The following AOPEP variants were observed in gnomAD, a reference collection of about 807,000 sequenced individuals.
AOPEP encodes aminopeptidase O (putative).
AOPEP carries 77 observed loss-of-function variants against 98.1 expected under a neutral mutation model. The observed-to-expected ratio is 0.78, with a 90% confidence interval of 0.65 to 0.95. The LOEUF (loss-of-function observed/expected upper bound fraction) is 0.95. Among genes scored for constraint, AOPEP ranks in the 40% least tolerant of loss-of-function variants. AOPEP has a pLI of 0.00. For missense variants in AOPEP, 1,024 were observed against 1,024.7 expected, an observed-to-expected ratio of 1.00 and a Z score of 0.01; for synonymous variants, 346 against 365.3, an observed-to-expected ratio of 0.95 and a Z score of 0.60.
intron 12 of AOPEP, 144 bp downstream of exon 12, chr9:95,005,364 CGAAGGTCGCGGCCCCTGCGGTGAG>C: frequency 1.3e-6 from 1 of 756,514 alleles, no homozygotes; most frequent in Non-Finnish European, 1.9e-6. Flanking sequence ...GCGGCCGTGA[CGAAGGTCGCGGCCCCTGCGGTGAG>C]GCGCCCGGCG....
intron 13 of AOPEP, among the ~76,000 whole-genome samples, chr9:95,043,887 G>A (rs1402667606): frequency 6.6e-6 from 1 of 152,040 alleles, no homozygotes; most frequent in African/African-American, 2.4e-5. Flanking sequence ...CAAACTCGTG[G>A]GCCCACATGA....
chr9:94,837,320 C>G (rs2041732058), intron 5 of AOPEP, among the ~76,000 whole-genome samples: 1 of 152,162 alleles, frequency 6.6e-6, no homozygotes, highest in Admixed American at 6.5e-5. Context: ...CGAACTCTAT[C>G]AGACTTCAAA....
chr9:94,932,993 C>T, intron 7 of AOPEP: 1 of 985,390 alleles, frequency 1.0e-6, no homozygotes, highest in Non-Finnish European at 1.2e-6. Flanking sequence ...TGCCATTTTT[C>T]ATTTGTTAAT....
At chr9:94,778,548 AT>A (rs1424468306) in intron 3 of AOPEP, among the ~76,000 whole-genome samples, 1 of 152,168 alleles carries the variant, frequency 6.6e-6, no homozygotes, top group Non-Finnish European at 1.5e-5. Flanking sequence ...TTTTATATGA[AT>A]TTTGAGAAGA....
At chr9:94,790,717 G>A (rs940212689) in intron 3 of AOPEP, among the ~76,000 whole-genome samples, 9 of 152,082 alleles carry the variant, frequency 5.9e-5, no homozygotes, top group African/African-American at 2.2e-4. Context: ...GATAGACAAA[G>A]GAACCATGCA....
intron 13 of AOPEP, among the ~76,000 whole-genome samples, chr9:95,016,196 G>C (rs1359858169): frequency 6.6e-6 from 1 of 151,050 alleles, no homozygotes; most frequent in Non-Finnish European, 1.5e-5. Context: ...TCAGAATTGG[G>C]GATGGTAACT....
intron 5 of AOPEP, among the ~76,000 whole-genome samples, chr9:94,831,500 T>C (rs2134458325): frequency 6.6e-6 from 1 of 152,328 alleles, no homozygotes; most frequent in Non-Finnish European, 1.5e-5. Context: ...TGCTCCCAGC[T>C]TTCTTCCTTT....
At chr9:94,977,685 C>T (rs940971827) in intron 10 of AOPEP, among the ~76,000 whole-genome samples, 1 of 152,132 alleles carries the variant, frequency 6.6e-6, no homozygotes, top group Non-Finnish European at 1.5e-5. Flanking sequence ...GCCATTTGCG[C>T]TGAAGCTGAT....
chr9:95,012,943 G>T (rs2062654667), intron 13 of AOPEP, among the ~76,000 whole-genome samples: 1 of 91,380 alleles, frequency 1.1e-5, no homozygotes, highest in Non-Finnish European at 2.2e-5. Context: ...AACGTTAGAG[G>T]TTTTCATCAA....
chr9:94,974,449 G>A (rs1271461417), intron 10 of AOPEP, among the ~76,000 whole-genome samples: 1 of 152,212 alleles, frequency 6.6e-6, no homozygotes, highest in Non-Finnish European at 1.5e-5. Context: ...ATGAGTAATG[G>A]TTATAAGATG....
At chr9:95,107,485 G>C in the AOPEP span, 10 of 618,598 alleles carry the variant, frequency 1.6e-5, no homozygotes, top group Non-Finnish European at 2.9e-5. Context: ...TGCTCACCAA[G>C]CAGTCAGGGC....
intron 13 of AOPEP, among the ~76,000 whole-genome samples, chr9:95,038,798 G>A (rs1313071236): frequency 1.3e-5 from 2 of 152,140 alleles, no homozygotes; most frequent in South Asian, 4.1e-4. Flanking sequence ...TTACTTCTAG[G>A]CGGACAGGTC....
At chr9:94,992,051 C>T (rs2060924333) in intron 11 of AOPEP, among the ~76,000 whole-genome samples, 1 of 152,194 alleles carries the variant, frequency 6.6e-6, no homozygotes, top group Non-Finnish European at 1.5e-5. Context: ...TTCATATCCT[C>T]TTATTTGCTT....
intron 7 of AOPEP, among the ~76,000 whole-genome samples, chr9:94,931,283 GTT>G (rs1304580009): frequency 6.6e-6 from 1 of 152,094 alleles, no homozygotes; most frequent in Non-Finnish European, 1.5e-5. Context: ...GTACTAGACA[GTT>G]TTTTATGGCA....
Position 95,082,558 on chromosome 9 carries a change from G to C in AOPEP, c.2320-17G>C. 6.2e-7 allele frequency: 1 copy of C among 1,613,480 alleles called. No individual in the cohort carries two copies. Among genetic ancestry groups the C allele is most frequent in the East Asian group, 2.2e-5 (1 of 44,870 alleles). On this transcript the variant is annotated splice_polypyrimidine_tract_variant and intron_variant, in intron 15 of 16. Coordinates refer to ENST00000375315, the MANE Select transcript of AOPEP (RefSeq NM_001193329.3). ...CCACACCTTCGCCTGATGCCCTTTG[G>C]CCTCTGTGCCCTGCAGGCCATGGGT... is the stretch of plus-strand genomic sequence containing the variant.
At chr9:95,061,707 G>T (rs1381968776) in intron 14 of AOPEP, among the ~76,000 whole-genome samples, 1 of 152,172 alleles carries the variant, frequency 6.6e-6, no homozygotes, top group Non-Finnish European at 1.5e-5. Context: ...TCATTAAAAT[G>T]GAGTAATTGA....
intron 7 of AOPEP, among the ~76,000 whole-genome samples, chr9:94,947,086 C>T (rs1416359465): frequency 6.6e-6 from 1 of 151,186 alleles, no homozygotes; most frequent in Non-Finnish European, 1.5e-5. Context: ...ACGCCATTCT[C>T]CTGCCTCAGC....
intron 9 of AOPEP, among the ~76,000 whole-genome samples, chr9:94,964,441 AG>A (rs2059056096): frequency 6.6e-6 from 1 of 152,190 alleles, no homozygotes; most frequent in Non-Finnish European, 1.5e-5. Context: ...AAAATGCAAA[AG>A]GGCAGAATTA....
chr9:95,124,244 A>G, the AOPEP span, among the ~76,000 whole-genome samples: 38 of 152,078 alleles, frequency 2.5e-4, no homozygotes, highest in Admixed American at 3.9e-4. Flanking sequence ...AGAGCTTCAC[A>G]GGGGCCGTGA....
Sources: allele counts gnomAD v4.1 joint callset (sites outside exome capture counted in the v4.1 genomes callset), GRCh38; gene constraint gnomAD v4.1.1; transcripts MANE v1.5; gene names NCBI Gene and HGNC (gene_info 2026-07-23, HGNC 2026-07-21).